The following IGSF21 variants were observed in gnomAD, a reference collection of about 807,000 sequenced individuals.
IGSF21 encodes immunoglobin superfamily member 21, also known as immunoglobulin superfamily member 21.
IGSF21 carries 28 observed loss-of-function variants against 46.8 expected under a neutral mutation model. The ratio of observed to expected loss-of-function variants is 0.60; its 90% confidence interval spans 0.44 to 0.82. IGSF21 has a LOEUF of 0.82. Ranked by LOEUF, IGSF21 falls within the 40% of genes least tolerant of loss-of-function variation. IGSF21 has a pLI of 0.00. For missense variants in IGSF21, 624 were observed against 665.5 expected (o/e 0.94, Z 0.69); for synonymous variants, 284 against 273.6 (o/e 1.04, Z -0.38).
chr1:18,183,330 G>A (rs1255719308), intron 1 of IGSF21, among the ~76,000 whole-genome samples: 2 of 152,202 alleles, frequency 1.3e-5, no homozygotes, highest in Non-Finnish European at 2.9e-5. Context: ...GTTGTAAACT[G>A]CATGAGAACT....
chr1:18,325,501 C>T (rs776095226), intron 3 of IGSF21, among the ~76,000 whole-genome samples: 26 of 152,048 alleles, frequency 1.7e-4, no homozygotes, highest in Non-Finnish European at 1.8e-4. Flanking sequence ...ATTCTCAGGG[C>T]CCCGGAATGA....
intron 9 of IGSF21, 127 bp downstream of exon 9, chr1:18,377,558 G>T: frequency 3.8e-6 from 3 of 799,806 alleles, no homozygotes; most frequent in Non-Finnish European, 6.6e-6. Flanking sequence ...GCAGGTCATT[G>T]CCCTCTAGTA....
At chr1:18,113,001 T>C (rs1464944657) in intron 1 of IGSF21, 6 of 152,208 alleles carry the variant, frequency 3.9e-5, no homozygotes, top group African/African-American at 1.4e-4. Flanking sequence ...TCTTTTTTCT[T>C]TTTGCCTTCT....
At chr1:18,231,786 C>T (rs2084628098) in intron 2 of IGSF21, among the ~76,000 whole-genome samples, 1 of 152,108 alleles carries the variant, frequency 6.6e-6, no homozygotes, top group African/African-American at 2.4e-5. Context: ...TTTTCTTTTG[C>T]AGCCTCTGGA....
intron 1 of IGSF21, among the ~76,000 whole-genome samples, chr1:18,126,418 G>C (rs1328116630): frequency 6.6e-6 from 1 of 152,148 alleles, no homozygotes; most frequent in Non-Finnish European, 1.5e-5. Context: ...CTGAGGATTA[G>C]AGAGGCCTTT....
At chr1:18,179,683 C>A (rs919892754) in intron 1 of IGSF21, among the ~76,000 whole-genome samples, 2 of 151,990 alleles carry the variant, frequency 1.3e-5, no homozygotes, top group Non-Finnish European at 2.9e-5. Context: ...GAAGCAGGAA[C>A]TGGTGAGGAG....
chr1:18,307,683 G>A (rs75847974), intron 3 of IGSF21, among the ~76,000 whole-genome samples: 4,547 of 152,280 alleles, frequency 0.03, 192 homozygotes, highest in African/African-American at 0.091. Context: ...GGCCACGTGC[G>A]GGCAGACAGG....
chr1:18,137,129 C>G (rs2086374155), intron 1 of IGSF21, among the ~76,000 whole-genome samples: 1 of 152,080 alleles, frequency 6.6e-6, no homozygotes, highest in South Asian at 2.1e-4. Flanking sequence ...CTAGAAGCTT[C>G]CAATCATGGT....
chr1:18,208,585 G>A (rs1421355066), intron 1 of IGSF21, among the ~76,000 whole-genome samples: 7 of 123,490 alleles, frequency 5.7e-5, no homozygotes, highest in African/African-American at 9.2e-5. Flanking sequence ...TTTTAGTAGA[G>A]ACCGGGTTTC....
At chr1:18,313,823 G>T (rs1053220560) in intron 3 of IGSF21, among the ~76,000 whole-genome samples, 8 of 152,168 alleles carry the variant, frequency 5.3e-5, no homozygotes, top group Non-Finnish European at 1.5e-5. Context: ...GGGCCACTGC[G>T]CTCTCTCACC....
intron 2 of IGSF21, among the ~76,000 whole-genome samples, chr1:18,267,429 C>G (rs223204): frequency 0.14 from 21,014 of 152,132 alleles, 1,552 homozygotes; most frequent in Middle Eastern, 0.23. Context: ...AGACTCTTCT[C>G]TACCCTGCCC....
intron 3 of IGSF21, among the ~76,000 whole-genome samples, chr1:18,332,674 G>A (rs527156): frequency 0.11 from 17,411 of 152,166 alleles, 2,763 homozygotes; most frequent in African/African-American, 0.36. Context: ...TCTGAGATCA[G>A]GGAGTGGAGG....
At chr1:18,177,738 G>A (rs986122088) in intron 1 of IGSF21, among the ~76,000 whole-genome samples, 6 of 152,198 alleles carry the variant, frequency 3.9e-5, no homozygotes, top group African/African-American at 1.4e-4. Context: ...GGAAGGGGGA[G>A]TGGGTGTGTT....
At chr1:18,253,076 C>T (rs75071628) in intron 2 of IGSF21, among the ~76,000 whole-genome samples, 6,815 of 152,164 alleles carry the variant, frequency 0.045, 463 homozygotes, top group African/African-American at 0.14. Context: ...TTGTAAAAGC[C>T]CTTCTGGAAT....
intron 1 of IGSF21, among the ~76,000 whole-genome samples, chr1:18,209,795 TG>T (rs1258513049): frequency 6.6e-5 from 10 of 152,028 alleles, no homozygotes; most frequent in African/African-American, 2.4e-4. Flanking sequence ...ACTGGACAGT[TG>T]GTGGAGTGTG....
intron 6 of IGSF21, chr1:18,375,975 C>T (rs939875520): frequency 1.6e-5 from 4 of 243,612 alleles, no homozygotes; most frequent in African/African-American, 8.7e-5. Context: ...TCCACTGGGC[C>T]TCTCTGATCT....
chr1:18,311,441 G>A (rs2085487321), intron 3 of IGSF21, among the ~76,000 whole-genome samples: 1 of 152,208 alleles, frequency 6.6e-6, no homozygotes, highest in African/African-American at 2.4e-5. Flanking sequence ...AGACTCCACT[G>A]TCATTCTGTG....
chr1:18,236,152 A>G lies in IGSF21; in HGVS notation c.183+8142A>G, dbSNP rs2084670928. Among the ~76,000 whole-genome samples, 2 of 152,152 alleles carry G rather than the reference A, an allele frequency of 1.3e-5. 1 individual carries two copies. Among genetic ancestry groups the G allele is most frequent in the South Asian group, 4.2e-4 (2 of 4,810 alleles). On this transcript the variant is annotated intron_variant, in intron 2 of 9. Transcript: ENST00000251296. ...CACCCAAATCTCAGTTTGAATTGTA[A>G]TAATTTCCATGTGTCAAGGGTGGGG...
chr1:18,226,695 C>T (rs1359043884), intron 1 of IGSF21, among the ~76,000 whole-genome samples: 1 of 152,206 alleles, frequency 6.6e-6, no homozygotes, highest in Non-Finnish European at 1.5e-5. Context: ...GTGTTGTAAC[C>T]ATTGAGTTCC....
Sources: gnomAD v4.1 joint callset for allele counts (sites outside exome capture counted in the v4.1 genomes callset) on GRCh38, gnomAD v4.1.1 for gene constraint, MANE v1.5 for transcripts, NCBI Gene and HGNC (gene_info 2026-07-23, HGNC 2026-07-21) for gene names.